Variants in NWD2 observed in about 807,000 individuals in gnomAD.
The protein encoded by NWD2 is NACHT and WD repeat domain containing 2.
NWD2 carries 37 observed loss-of-function variants against 132.7 expected under a neutral mutation model. The observed-to-expected ratio is 0.28, with a 90% confidence interval of 0.21 to 0.37. NWD2 has a LOEUF of 0.37. NWD2 is among the 10% of genes least tolerant of loss of function. NWD2 has a pLI of 1.00. For synonymous variants in NWD2, 705 were observed against 803.0 expected, an observed-to-expected ratio of 0.88 and a Z score of 2.06; for missense variants, 1,592 against 2,122.4, an observed-to-expected ratio of 0.75 and a Z score of 4.91.
intron 1 of NWD2, among the ~76,000 whole-genome samples, chr4:37,269,318 A>G (rs56062660): frequency 7.2e-4 from 110 of 152,024 alleles, no homozygotes; most frequent in Non-Finnish European, 1.4e-3. Flanking sequence ...TTAGGGAGCA[A>G]TGCAAAACTG....
In NWD2 at chr4:37,364,460, A is replaced by G. The variant is rs28547033; in HGVS notation, c.357+7978A>G. On this transcript the variant is annotated intron_variant, in intron 3 of 6. Coordinates refer to ENST00000309447, the MANE Select transcript of NWD2 (RefSeq NM_001144990.2). The stretch of plus-strand genomic sequence containing the variant: ...TTCACATTTAGAGGGGTGTTCCCAT[A>G]CAGCAGGCAAGAGGAATCTTGCCTG... 8.6e-3 allele frequency among the ~76,000 whole-genome samples: 1,315 copies of G among 152,208 alleles called. 20 individuals are homozygous for G. The highest frequency in any genetic ancestry group is 0.03 in the African/African-American group (1,252 of 41,528).
At chr4:37,257,274 G>A (rs187966065) in intron 1 of NWD2, among the ~76,000 whole-genome samples, 12 of 152,270 alleles carry the variant, frequency 7.9e-5, no homozygotes, top group Admixed American at 5.9e-4. Context: ...AGGAATGACT[G>A]TTGTTTTAAG....
At position 37,244,945 on chromosome 4, in the gene NWD2, C is replaced by T; in HGVS notation, c.-123C>T. The T allele has an allele frequency of 2.3e-6, 3 of 1,315,116 alleles. No individual in the cohort carries two copies. The highest frequency in any genetic ancestry group is 3.1e-6 in the Non-Finnish European group (3 of 982,928). 81.5% of individuals were successfully genotyped at this position (1,315,116 alleles called of 1,614,324 possible). ...CGCCAAAGGCGCTTCGGGCTCGGAG[C>T]GGCTCTGAGCCGCGCCGCCTGCTGA... is the stretch of plus-strand genomic sequence containing the variant. On this transcript the variant is annotated 5_prime_UTR_variant, in exon 1 of 7. Coordinates refer to ENST00000309447, the MANE Select transcript of NWD2 (RefSeq NM_001144990.2). The surrounding 1 kb of genome is among the most constrained non-coding windows in gnomAD (Gnocchi z 5.5).
At chr4:37,366,427 A>G (rs2109304051) in intron 3 of NWD2, among the ~76,000 whole-genome samples, 1 of 152,314 alleles carries the variant, frequency 6.6e-6, no homozygotes, top group African/African-American at 2.4e-5. Context: ...AATGAAGTTC[A>G]GAATACCATG....
At chr4:37,253,006 C>G (rs899022041) in intron 1 of NWD2, among the ~76,000 whole-genome samples, 7 of 151,600 alleles carry the variant, frequency 4.6e-5, no homozygotes, top group East Asian at 2.0e-4. Flanking sequence ...CCACAACCCC[C>G]CCCCCTTATG....
At chr4:37,361,804 T>A (rs113787648) in intron 3 of NWD2, among the ~76,000 whole-genome samples, 8,396 of 152,174 alleles carry the variant, frequency 0.055, 254 homozygotes, top group East Asian at 0.099. Flanking sequence ...TTCAACACAG[T>A]ACTGGAAGTG....
At chr4:37,418,124 A>T (rs1711678983) in intron 3 of NWD2, among the ~76,000 whole-genome samples, 2 of 152,080 alleles carry the variant, frequency 1.3e-5, no homozygotes, top group Admixed American at 1.3e-4. Flanking sequence ...AGTATCTTGT[A>T]GTACCAGGAA....
At position 37,448,724 on chromosome 4, in the gene NWD2, T is replaced by C. The variant is rs1375813581; in HGVS notation, c.*1507T>C. 1 of 152,226 alleles carries C rather than the reference T, an allele frequency of 6.6e-6. No individual in the cohort carries two copies. The highest frequency in any genetic ancestry group is 1.5e-5 in the Non-Finnish European group (1 of 68,030). 9.4% of individuals were successfully genotyped at this position (152,226 alleles called of 1,614,324 possible). On this transcript the variant is annotated 3_prime_UTR_variant, in exon 7 of 7. Transcript: ENST00000309447. Reference sequence around the variant, plus strand: ...CATTGTGTATTCCTAGACAGGTCTTTAACTTCATCAGTGTGTTGTTTTTGT... The same window carrying C: ...CATTGTGTATTCCTAGACAGGTCTTCAACTTCATCAGTGTGTTGTTTTTGT...
intron 3 of NWD2, among the ~76,000 whole-genome samples, chr4:37,404,389 G>T (rs1467272850): frequency 6.6e-6 from 1 of 152,116 alleles, no homozygotes; most frequent in Non-Finnish European, 1.5e-5. Context: ...CCATCTAGAA[G>T]GTCCTTTCCC....
At position 37,395,452 on chromosome 4, in the gene NWD2, AAGTCCAAGCC is replaced by A. The variant is rs1720767869; in HGVS notation, c.358-35112_358-35103del. 4.6e-5 allele frequency among the ~76,000 whole-genome samples: 7 copies of A among 151,566 alleles called. No individual in the cohort carries two copies. In the South Asian group the frequency reaches 1.5e-3, roughly 32 times the overall value. On this transcript the variant is annotated intron_variant, in intron 3 of 6. Transcript: ENST00000309447. Reference sequence around the variant, plus strand: ...CTATCAAGACTCACTTTCAAGTAGTAAGTCCAAGCCAGTCCAAATCAAAATGTCAGTCCCA... The same window carrying A: ...CTATCAAGACTCACTTTCAAGTAGTAAGTCCAAATCAAAATGTCAGTCCCA...
chr4:37,263,087 A>G (rs1218903793), intron 1 of NWD2, among the ~76,000 whole-genome samples: 2 of 152,114 alleles, frequency 1.3e-5, no homozygotes, highest in Admixed American at 6.6e-5. Flanking sequence ...CACCTGTGGC[A>G]TTTTGCAGCC....
chr4:37,435,141 G>C (rs1447495601), intron 5 of NWD2, among the ~76,000 whole-genome samples: 1 of 152,178 alleles, frequency 6.6e-6, no homozygotes, highest in Non-Finnish European at 1.5e-5. Context: ...GAATATGTCA[G>C]TCATAGTTTC....
intron 2 of NWD2, among the ~76,000 whole-genome samples, chr4:37,330,021 A>G (rs1233476670): frequency 2.0e-5 from 3 of 152,188 alleles, no homozygotes; most frequent in Non-Finnish European, 4.4e-5. Flanking sequence ...GTCTTTATTC[A>G]ATTAAATTAA....
intron 1 of NWD2, among the ~76,000 whole-genome samples, chr4:37,251,370 T>C (rs1299975633): frequency 6.6e-6 from 1 of 152,216 alleles, no homozygotes; most frequent in Non-Finnish European, 1.5e-5. Flanking sequence ...TGGTATGTCA[T>C]TATGTGGCAC....
intron 1 of NWD2, among the ~76,000 whole-genome samples, chr4:37,274,830 C>T (rs974221993): frequency 7.9e-5 from 12 of 151,928 alleles, no homozygotes; most frequent in African/African-American, 2.7e-4. Flanking sequence ...AAGACAAAAA[C>T]CACATGATTA....
chr4:37,342,505 T>C (rs1577673995), intron 2 of NWD2, among the ~76,000 whole-genome samples: 1 of 152,326 alleles, frequency 6.6e-6, no homozygotes, highest in Non-Finnish European at 1.5e-5. Context: ...TGGTCAGGTG[T>C]CCTGCCACTG....
intron 2 of NWD2, among the ~76,000 whole-genome samples, chr4:37,338,028 G>A (rs1442074229): frequency 6.6e-6 from 1 of 152,096 alleles, no homozygotes; most frequent in Admixed American, 6.5e-5. Flanking sequence ...CTCTGTCTTT[G>A]CACAAGCTTT....
intron 2 of NWD2, among the ~76,000 whole-genome samples, chr4:37,332,121 A>G (rs552237162): frequency 3.9e-5 from 6 of 152,274 alleles, no homozygotes; most frequent in Non-Finnish European, 7.4e-5. Context: ...GAGGATTCCA[A>G]CTACTAGGCA....
At chr4:37,250,906 A>G (rs938770428) in intron 1 of NWD2, among the ~76,000 whole-genome samples, 2 of 152,246 alleles carry the variant, frequency 1.3e-5, no homozygotes, top group African/African-American at 4.8e-5. Context: ...ATAGCATGTT[A>G]TTGTACTGAA....
Sources: allele counts gnomAD v4.1 joint callset (sites outside exome capture counted in the v4.1 genomes callset), GRCh38; gene constraint gnomAD v4.1.1; non-coding constraint Gnocchi (gnomAD v3.1); transcripts MANE v1.5; gene names NCBI Gene and HGNC (gene_info 2026-07-23, HGNC 2026-07-21).